SLCO4C1: variants seen among roughly 807,000 people sequenced by gnomAD.
SLCO4C1 encodes the protein solute carrier organic anion transporter family member 4C1.
A neutral mutation model predicts 72.1 loss-of-function variants in SLCO4C1; 58 were observed. The ratio of observed to expected loss-of-function variants is 0.80; its 90% confidence interval spans 0.65 to 1.00. The LOEUF (loss-of-function observed/expected upper bound fraction) is 1.00, where lower values mean the gene tolerates loss of function less well. SLCO4C1 is among the 50% of genes least tolerant of loss of function. The probability of loss-of-function intolerance (pLI) is 0.00; values close to 1 mark genes in which losing one functional copy is unlikely to be tolerated. For missense variants in SLCO4C1, 898 were observed against 857.9 expected (o/e 1.05, Z -0.58); for synonymous variants, 297 against 312.5 (o/e 0.95, Z 0.52).
At chr5:102,240,201 T>C (rs1355092135) in intron 11 of SLCO4C1, among the ~76,000 whole-genome samples, 3 of 152,144 alleles carry the variant, frequency 2.0e-5, no homozygotes, top group African/African-American at 7.2e-5. Flanking sequence ...CCCAACTTTT[T>C]GTTTTTGCTT....
Position 102,270,642 on chromosome 5 carries a change from T to C in SLCO4C1, c.784A>G (p.Lys262Glu). 1 of 1,611,358 alleles carries C rather than the reference T, an allele frequency of 6.2e-7. No individual in the cohort carries two copies. Among genetic ancestry groups the C allele is most frequent in the Non-Finnish European group, 8.5e-7 (1 of 1,178,778 alleles). The change falls in exon 3 of 13, where the codon AAG becomes GAG. Residue 262 changes from lysine to glutamate, a missense_variant. Physicochemically the swap from Lys to Glu is moderately conservative, Grantham distance 56. Coordinates refer to ENST00000310954, the MANE Select transcript of SLCO4C1 (RefSeq NM_180991.5). ...AACTTACCTATATAGAGAGAAGACT[T>C]GTGTGTGGGCACAGAATCATCAAGA... ...AFLDDSVPTH[K>E]SSLYIGTGYA...
rs990250413 is a variant in SLCO4C1, at chr5:102,237,138, T to A, written c.2015-120A>T. 13 of 1,049,118 alleles carry A rather than the reference T, an allele frequency of 1.2e-5. No individual in the cohort carries two copies. In the African/African-American group the frequency reaches 1.3e-4, roughly 11 times the overall value. The allele number at this position is 1,049,118 out of a possible 1,614,324, so 65.0% of individuals were successfully genotyped here. ...GAGAATAATTACATAACCATTATAGTTCTATGTTTAAAATTTTTGAAACAT... is the reference window on the plus strand; with the variant it reads ...GAGAATAATTACATAACCATTATAGATCTATGTTTAAAATTTTTGAAACAT... On this transcript the variant is annotated intron_variant, in intron 12 of 12. Transcript: ENST00000310954.
At chr5:102,260,340 T>C (rs1251054507) in intron 5 of SLCO4C1, 21 bp from the exon 6 acceptor site, 1 of 327,266 alleles carries the variant, frequency 3.1e-6, no homozygotes. Flanking sequence ...AATATATATA[T>C]ATATATAATA....
chr5:102,241,351 A>T (rs1748536341), intron 10 of SLCO4C1, among the ~76,000 whole-genome samples: 1 of 152,176 alleles, frequency 6.6e-6, no homozygotes, highest in African/African-American at 2.4e-5. Context: ...ATATATGTAG[A>T]AAACACTAAA....
intron 4 of SLCO4C1, among the ~76,000 whole-genome samples, chr5:102,263,129 C>T (rs1434903781): frequency 1.3e-5 from 2 of 152,156 alleles, no homozygotes; most frequent in East Asian, 1.9e-4. Flanking sequence ...TTGCAGAATA[C>T]TTGAGAGGAT....
intron 2 of SLCO4C1, among the ~76,000 whole-genome samples, chr5:102,288,586 C>T (rs1749497217): frequency 6.6e-6 from 1 of 152,158 alleles, no homozygotes; most frequent in African/African-American, 2.4e-5. Flanking sequence ...AACTCTTCCA[C>T]AACTTTGCAT....
At chr5:102,287,539 T>C (rs1749477661) in intron 2 of SLCO4C1, among the ~76,000 whole-genome samples, 1 of 139,190 alleles carries the variant, frequency 7.2e-6, no homozygotes, top group Non-Finnish European at 1.6e-5. Flanking sequence ...CACTTCTTTT[T>C]TTTTTTTTTT....
At chr5:102,266,279 T>C (rs1282710453) in intron 3 of SLCO4C1, among the ~76,000 whole-genome samples, 2 of 152,174 alleles carry the variant, frequency 1.3e-5, no homozygotes, top group African/African-American at 4.8e-5. Context: ...TTCTCCAATT[T>C]TGATGTCCCT....
chr5:102,246,113 C>A (rs1343775757), intron 10 of SLCO4C1, among the ~76,000 whole-genome samples: 4 of 151,450 alleles, frequency 2.6e-5, no homozygotes, highest in Admixed American at 2.6e-4. Context: ...AATGATACAT[C>A]TTAAAGAATT....
At chr5:102,247,522 G>A in intron 9 of SLCO4C1, 80 bp from the exon 10 acceptor site, 1 of 920,664 alleles carries the variant, frequency 1.1e-6, no homozygotes, top group Non-Finnish European at 1.6e-6. Flanking sequence ...CTCTAGACAT[G>A]GCAAACACTC....
At chr5:102,249,325 A>G (rs931791738) in intron 9 of SLCO4C1, among the ~76,000 whole-genome samples, 3 of 152,160 alleles carry the variant, frequency 2.0e-5, no homozygotes, top group African/African-American at 7.2e-5. Flanking sequence ...GGGTATATGC[A>G]GGGGTCCGGG....
At chr5:102,252,787 A>G (rs1421489865) in intron 8 of SLCO4C1, among the ~76,000 whole-genome samples, 11 of 152,182 alleles carry the variant, frequency 7.2e-5, no homozygotes, top group Non-Finnish European at 1.3e-4. Context: ...TGAGGTAACT[A>G]GAAAGCTATT....
rs775400235 is a variant in SLCO4C1, at chr5:102,260,317, T to C, written c.1024A>G (p.Thr342Ala). 20 of 889,394 alleles carry C rather than the reference T, an allele frequency of 2.2e-5. No homozygotes were observed. The highest frequency in any genetic ancestry group is 2.9e-5 in the Non-Finnish European group (20 of 694,256). The allele number at this position is 889,394 out of a possible 1,614,324, so 55.1% of individuals were successfully genotyped here. A position where few individuals can be genotyped will look rare whatever the true frequency, so the allele number is the denominator to read the frequency against. The change falls in exon 6 of 13, where the codon ACA becomes GCA. Residue 342 changes from threonine (T) to alanine (A), a missense_variant and splice_region_variant. Physicochemically the swap from Thr to Ala is moderately conservative, Grantham distance 58 (BLOSUM62 0). Coordinates refer to ENST00000310954, the MANE Select transcript of SLCO4C1 (RefSeq NM_180991.5). The stretch of plus-strand genomic sequence containing the variant: ...GTTTTTCCAGCTTGAATTTCTGCTG[T>C]ACCTAAAAAAAAAATATATATATAT... Reference protein sequence around the residue: ...FSCFPKHLPGTAEIQAGKTSQ... With the variant: ...FSCFPKHLPGAAEIQAGKTSQ...
rs1243125848 is a variant in SLCO4C1, at chr5:102,270,789, T to G, written c.637A>C (p.Arg213=). Residue 213 remains arginine (R), a synonymous_variant, in exon 3 of 13, where the codon AGG becomes CGG. Transcript: ENST00000310954. ...SLFEDTCVTT[R]NSTSCTSSTS... ...GAAGATGTACAACTGGTGCTATTCCTTGTTGTTACACAAGTGTCTTTGTGG... is the reference window on the plus strand; with the variant it reads ...GAAGATGTACAACTGGTGCTATTCCGTGTTGTTACACAAGTGTCTTTGTGG... 2 of 1,588,730 alleles carry G rather than the reference T, an allele frequency of 1.3e-6. No homozygotes were observed. The highest frequency in any genetic ancestry group is 1.7e-6 in the Non-Finnish European group (2 of 1,170,612).
intron 1 of SLCO4C1, among the ~76,000 whole-genome samples, chr5:102,293,764 C>G (rs186963312): frequency 2.0e-5 from 3 of 152,206 alleles, no homozygotes; most frequent in Admixed American, 2.0e-4. Flanking sequence ...GAGACCTTGC[C>G]TCGCTCTGTC....
chr5:102,237,178 A>C (rs574158460), intron 12 of SLCO4C1, among the ~76,000 whole-genome samples, 160 bp from the exon 13 acceptor site: 1 of 152,336 alleles, frequency 6.6e-6, no homozygotes, highest in East Asian at 1.9e-4. Flanking sequence ...GGGAAAGAAA[A>C]AACATTTGTA....
At chr5:102,237,118 T>C (rs751866023) in intron 12 of SLCO4C1, 100 bp from the exon 13 acceptor site, 36 of 1,173,690 alleles carry the variant, frequency 3.1e-5, no homozygotes, top group South Asian at 5.1e-5. Context: ...TTAAAGAGAA[T>C]AATTACATAA....
intron 2 of SLCO4C1, among the ~76,000 whole-genome samples, chr5:102,278,430 A>G (rs1749289234): frequency 6.6e-6 from 1 of 152,184 alleles, no homozygotes; most frequent in African/African-American, 2.4e-5. Context: ...AGCAACTGAT[A>G]GAACAGAAAA....
chr5:102,279,809 G>GA (rs902379386), intron 2 of SLCO4C1, among the ~76,000 whole-genome samples: 14 of 151,890 alleles, frequency 9.2e-5, no homozygotes, highest in Admixed American at 3.3e-4. Flanking sequence ...GATTGAAGAA[G>GA]AAAAAAATCG....
Sources: gnomAD v4.1 joint callset for allele counts (sites outside exome capture counted in the v4.1 genomes callset) on GRCh38, gnomAD v4.1.1 for gene constraint, MANE v1.5 for transcripts, NCBI Gene and HGNC (gene_info 2026-07-23, HGNC 2026-07-21) for gene names.